The following PTPRN2 variants were observed in gnomAD, a reference collection of about 807,000 sequenced individuals.
PTPRN2 encodes receptor-type tyrosine-protein phosphatase N2.
In PTPRN2, 74 loss-of-function variants were observed where a neutral mutation model predicts 118.8. That is an observed-to-expected ratio of 0.62 (90% confidence interval 0.52 to 0.76). The LOEUF is 0.76. Ranked by LOEUF, PTPRN2 falls within the 30% of genes least tolerant of loss-of-function variation. The pLI is 0.00. For missense variants in PTPRN2, 1,481 were observed against 1,394.4 expected, an observed-to-expected ratio of 1.06 and a Z score of -0.99; for synonymous variants, 641 against 608.0, an observed-to-expected ratio of 1.05 and a Z score of -0.80.
At chr7:157,697,183 G>A (rs1265866995) in intron 12 of PTPRN2, among the ~76,000 whole-genome samples, 11 of 21,272 alleles carry the variant, frequency 5.2e-4, no homozygotes, top group African/African-American at 1.0e-3. Context: ...TGCATACTGG[G>A]TCTTGGCAGA....
At chr7:158,578,132 C>T (rs906519472) in intron 1 of PTPRN2, among the ~76,000 whole-genome samples, 8 of 152,268 alleles carry the variant, frequency 5.3e-5, no homozygotes, top group South Asian at 4.1e-4. Context: ...AAAAAACGTG[C>T]TCTGAATTTT....
At chr7:157,954,057 G>A (rs961229914) in intron 11 of PTPRN2, among the ~76,000 whole-genome samples, 2 of 152,242 alleles carry the variant, frequency 1.3e-5, no homozygotes, top group African/African-American at 4.8e-5. Context: ...ACTAAAAAGT[G>A]AAAGTTCCAG....
chr7:157,956,187 T>C (rs771041599), intron 11 of PTPRN2, among the ~76,000 whole-genome samples: 1 of 152,158 alleles, frequency 6.6e-6, no homozygotes, highest in African/African-American at 2.4e-5. Flanking sequence ...ACATTCACAG[T>C]GTGTTATCTG....
chr7:158,243,083 T>C (rs1486168122), intron 3 of PTPRN2, among the ~76,000 whole-genome samples: 1 of 152,222 alleles, frequency 6.6e-6, no homozygotes, highest in African/African-American at 2.4e-5. Context: ...CTTCATTTCC[T>C]AGTGCCTTGG....
At chr7:158,463,887 C>T (rs1400984542) in intron 2 of PTPRN2, among the ~76,000 whole-genome samples, 1 of 145,228 alleles carries the variant, frequency 6.9e-6, no homozygotes, top group Non-Finnish European at 1.5e-5. Flanking sequence ...TCATCATCAC[C>T]GTCATCATCC....
Position 157,700,085 on chromosome 7 carries a change from G to A in PTPRN2, c.1789-17148C>T, listed in dbSNP as rs562907415. Among the ~76,000 whole-genome samples the A allele has an allele frequency of 3.9e-5, 6 of 152,230 alleles. No homozygotes were observed. In the South Asian group the frequency reaches 1.2e-3, roughly 32 times the overall value. ...TCAGTCATTTCTGAAATTCCCATTT[G>A]GAATTGTCTTCAGAAATATGCCCAA... is the stretch of plus-strand genomic sequence containing the variant. On this transcript the variant is annotated intron_variant, in intron 12 of 22. Transcript: ENST00000389418.
At chr7:158,319,064 T>A (rs1802586562) in intron 2 of PTPRN2, among the ~76,000 whole-genome samples, 1 of 152,244 alleles carries the variant, frequency 6.6e-6, no homozygotes, top group Admixed American at 6.5e-5. Context: ...TTGCATACAA[T>A]GTCATAAATA....
chr7:158,050,070 T>A (rs1405818000), intron 11 of PTPRN2, among the ~76,000 whole-genome samples: 1 of 152,174 alleles, frequency 6.6e-6, no homozygotes, highest in Non-Finnish European at 1.5e-5. Context: ...ATAAAATACA[T>A]GTAGGGTAAT....
At chr7:157,758,814 G>T (rs1801965159) in intron 12 of PTPRN2, among the ~76,000 whole-genome samples, 1 of 152,106 alleles carries the variant, frequency 6.6e-6, no homozygotes, top group South Asian at 2.1e-4. Context: ...GAAAATCCCT[G>T]ATTTCACGGG....
At chr7:157,803,746 T>C (rs1805461783) in intron 12 of PTPRN2, among the ~76,000 whole-genome samples, 1 of 152,052 alleles carries the variant, frequency 6.6e-6, no homozygotes, top group Admixed American at 6.6e-5. Flanking sequence ...GTATGAGTTG[T>C]TTCTGGACTC....
chr7:158,422,904 A>G (rs1815378565), intron 2 of PTPRN2, among the ~76,000 whole-genome samples: 2 of 152,244 alleles, frequency 1.3e-5, no homozygotes, highest in African/African-American at 2.4e-5. Flanking sequence ...CATGGTCAGT[A>G]GAGACAAAGA....
At chr7:157,928,577 C>T (rs1799165192) in intron 11 of PTPRN2, among the ~76,000 whole-genome samples, 1 of 151,944 alleles carries the variant, frequency 6.6e-6, no homozygotes, top group South Asian at 2.1e-4. Context: ...ACCCAGGACA[C>T]TCCCCGTGTC....
chr7:158,144,896 C>A (rs1406477698), intron 6 of PTPRN2, among the ~76,000 whole-genome samples: 4 of 152,218 alleles, frequency 2.6e-5, no homozygotes, highest in East Asian at 3.9e-4. Flanking sequence ...AGTGCCTGCT[C>A]TGAAGGAGGA....
At chr7:158,189,976 C>A (rs553300241) in intron 5 of PTPRN2, among the ~76,000 whole-genome samples, 1 of 152,240 alleles carries the variant, frequency 6.6e-6, no homozygotes, top group East Asian at 1.9e-4. Flanking sequence ...CACAGGTGTG[C>A]GGAGGGAATA....
chr7:158,411,646 C>G (rs1563260387), intron 2 of PTPRN2, among the ~76,000 whole-genome samples: 1 of 152,228 alleles, frequency 6.6e-6, no homozygotes, highest in African/African-American at 2.4e-5. Flanking sequence ...CACTCAACTT[C>G]AAGTTGGGAA....
intron 3 of PTPRN2, among the ~76,000 whole-genome samples, chr7:158,241,286 G>T (rs1037516381): frequency 2.6e-5 from 4 of 152,120 alleles, no homozygotes; most frequent in Non-Finnish European, 5.9e-5. Context: ...GAGGCCAAGG[G>T]GGAGGATCAC....
In PTPRN2 at chr7:158,546,863, G is replaced by A. The variant is rs575728745; in HGVS notation, c.112+40695C>T. ...CAGAGGGGCTCAGCTTATGGTTAAC[G>A]CTGGGGCTGCCTTCATCTCACGCAT... On this transcript the variant is annotated intron_variant, in intron 1 of 22. Transcript: ENST00000389418. This position sits in a 1 kb window ranked among gnomAD's most constrained non-coding sequence, Gnocchi z 5.0. Among the ~76,000 whole-genome samples the A allele has an allele frequency of 2.6e-5, 4 of 152,330 alleles. No individual in the cohort carries two copies. Among genetic ancestry groups the A allele is most frequent in the South Asian group, 4.1e-4 (2 of 4,828 alleles).
At chr7:158,358,659 T>C (rs1808580735) in intron 2 of PTPRN2, among the ~76,000 whole-genome samples, 1 of 152,220 alleles carries the variant, frequency 6.6e-6, no homozygotes, top group East Asian at 1.9e-4. Context: ...AGTCCACACC[T>C]GCACCAGCCC....
intron 12 of PTPRN2, among the ~76,000 whole-genome samples, chr7:157,776,888 CAT>C (rs1803355054): frequency 9.4e-6 from 1 of 106,258 alleles, no homozygotes; most frequent in African/African-American, 4.0e-5. Flanking sequence ...TCTCCTCCTC[CAT>C]CTCCTCCTCC....
Sources: gnomAD v4.1 joint callset for allele counts (sites outside exome capture counted in the v4.1 genomes callset) on GRCh38, gnomAD v4.1.1 for gene constraint, Gnocchi (gnomAD v3.1) non-coding constraint, MANE v1.5 for transcripts, NCBI Gene and HGNC (gene_info 2026-07-23, HGNC 2026-07-21) for gene names.